TMCC1: variants seen among roughly 807,000 people sequenced by gnomAD.
TMCC1 encodes the protein transmembrane and coiled-coil domain family 1.
A neutral mutation model predicts 52.4 loss-of-function variants in TMCC1; 15 were observed. The observed-to-expected ratio is 0.29, with a 90% CI of 0.19 to 0.44. The LOEUF (loss-of-function observed/expected upper bound fraction) is 0.44. Ranked by LOEUF, TMCC1 falls within the 20% of genes least tolerant of loss-of-function variation. The probability of loss-of-function intolerance (pLI) is 1.00; values close to 1 mark genes in which losing one functional copy is unlikely to be tolerated. For synonymous variants in TMCC1, 279 were observed against 301.9 expected (o/e 0.92, Z 0.79); for missense variants, 503 against 806.0 (o/e 0.62, Z 4.55).
chr3:129,858,590 T>C (rs935727805), intron 2 of TMCC1, among the ~76,000 whole-genome samples: 19 of 152,294 alleles, frequency 1.2e-4, no homozygotes, highest in African/African-American at 4.6e-4. Flanking sequence ...CAGGCTGGTC[T>C]CAAGCTCGTG....
intron 4 of TMCC1, among the ~76,000 whole-genome samples, chr3:129,732,847 G>C (rs1176316901): frequency 2.6e-5 from 4 of 151,982 alleles, no homozygotes; most frequent in Admixed American, 1.3e-4. Context: ...GAAAGAAAAA[G>C]GAAAAAAGAA....
At position 129,777,191 on chromosome 3, in the gene TMCC1, C is replaced by G. The variant is rs148967864; in HGVS notation, c.576+50612G>C. On this transcript the variant is annotated intron_variant, in intron 4 of 6. Coordinates refer to ENST00000393238, the MANE Select transcript of TMCC1 (RefSeq NM_001017395.5). Reference sequence around the variant, plus strand: ...TATCACAAGTGCTGGGAGGATTAAACAAGATCTTGTTTATAAAGTGCTAAA... The same window carrying G: ...TATCACAAGTGCTGGGAGGATTAAAGAAGATCTTGTTTATAAAGTGCTAAA... 4.6e-5 allele frequency among the ~76,000 whole-genome samples: 7 copies of G among 152,218 alleles called. No individual in the cohort carries two copies. In the East Asian group the frequency reaches 1.3e-3, roughly 29 times the overall value.
At chr3:129,711,302 CAG>C (rs1366202724) in intron 4 of TMCC1, among the ~76,000 whole-genome samples, 2 of 152,188 alleles carry the variant, frequency 1.3e-5, no homozygotes, top group African/African-American at 4.8e-5. Context: ...TCAGTTTTGA[CAG>C]ATACAGTCTA....
intron 4 of TMCC1, among the ~76,000 whole-genome samples, chr3:129,688,940 A>G (rs989147386): frequency 1.3e-5 from 2 of 152,268 alleles, no homozygotes; most frequent in Non-Finnish European, 2.9e-5. Context: ...TCTAAATAAA[A>G]TAACACTGTT....
chr3:129,798,244 C>G (rs906456384), intron 4 of TMCC1, among the ~76,000 whole-genome samples: 5 of 152,050 alleles, frequency 3.3e-5, no homozygotes, highest in Non-Finnish European at 7.4e-5. Flanking sequence ...GATCCGCCCG[C>G]TCAGCCTCCC....
intron 4 of TMCC1, among the ~76,000 whole-genome samples, chr3:129,723,466 T>G (rs1251626145): frequency 1.3e-5 from 2 of 150,990 alleles, no homozygotes; most frequent in Non-Finnish European, 2.9e-5. Flanking sequence ...TTGTTATGCA[T>G]GCCTGGCATC....
chr3:129,773,303 CAT>C (rs886517889), intron 4 of TMCC1, among the ~76,000 whole-genome samples: 4 of 152,206 alleles, frequency 2.6e-5, no homozygotes, highest in Middle Eastern at 3.4e-3. Flanking sequence ...AATTCTTGCA[CAT>C]GTGTGGGTGT....
intron 4 of TMCC1, among the ~76,000 whole-genome samples, chr3:129,825,062 G>A (rs76379997): frequency 0.031 from 4,733 of 152,100 alleles, 221 homozygotes; most frequent in African/African-American, 0.11. Flanking sequence ...TTATCACCCC[G>A]GGGTTAATCA....
chr3:129,747,593 C>A (rs951093058), intron 4 of TMCC1, among the ~76,000 whole-genome samples: 1 of 152,116 alleles, frequency 6.6e-6, no homozygotes, highest in Non-Finnish European at 1.5e-5. Context: ...GCTCTCATCA[C>A]CCTCACTGTA....
At chr3:129,752,657 C>T (rs1324978019) in intron 4 of TMCC1, among the ~76,000 whole-genome samples, 2 of 150,010 alleles carry the variant, frequency 1.3e-5, no homozygotes, top group African/African-American at 4.9e-5. Flanking sequence ...CAGAGCAAGA[C>T]TGTCACACAC....
intron 4 of TMCC1, among the ~76,000 whole-genome samples, chr3:129,694,024 G>T (rs2047213549): frequency 6.6e-6 from 1 of 152,172 alleles, no homozygotes; most frequent in Non-Finnish European, 1.5e-5. Context: ...ATGCCTAAAA[G>T]AAAGTACTCC....
At chr3:129,882,815 G>A (rs901899906) in intron 1 of TMCC1, among the ~76,000 whole-genome samples, 54 of 152,220 alleles carry the variant, frequency 3.5e-4, no homozygotes, top group Admixed American at 3.1e-3. Flanking sequence ...GAGGTACCTA[G>A]GGTAGTCAAA....
chr3:129,693,509 T>TA (rs2047175847), intron 4 of TMCC1, among the ~76,000 whole-genome samples: 1 of 147,402 alleles, frequency 6.8e-6, no homozygotes, highest in South Asian at 2.2e-4. Flanking sequence ...TTGAATTTTT[T>TA]TTTTTTTTTT....
intron 4 of TMCC1, among the ~76,000 whole-genome samples, chr3:129,706,897 C>T (rs1185909106): frequency 6.6e-6 from 1 of 152,004 alleles, no homozygotes; most frequent in African/African-American, 2.4e-5. Flanking sequence ...CAGCCTCAAA[C>T]TCCTGGGCTC....
intron 4 of TMCC1, among the ~76,000 whole-genome samples, chr3:129,761,036 CCT>C (rs1252502197): frequency 6.6e-6 from 1 of 152,024 alleles, no homozygotes; most frequent in Non-Finnish European, 1.5e-5. Context: ...CTAAAAATCC[CCT>C]GTGCTGGCCG....
At chr3:129,710,812 C>G (rs2048615603) in intron 4 of TMCC1, among the ~76,000 whole-genome samples, 1 of 152,144 alleles carries the variant, frequency 6.6e-6, no homozygotes, top group African/African-American at 2.4e-5. Flanking sequence ...ATTTGTGGCC[C>G]AAGTCTTTCT....
chr3:129,853,143 T>C (rs949610654), intron 2 of TMCC1, among the ~76,000 whole-genome samples: 4 of 152,168 alleles, frequency 2.6e-5, no homozygotes, highest in Non-Finnish European at 5.9e-5. Flanking sequence ...ATTGTGCCAC[T>C]GCACTCTAGC....
intron 4 of TMCC1, among the ~76,000 whole-genome samples, chr3:129,690,437 A>G (rs557703157): frequency 1.1e-3 from 174 of 152,308 alleles, no homozygotes; most frequent in Non-Finnish European, 2.1e-3. Context: ...TGTAAGATTA[A>G]TGTTTGTTAC....
chr3:129,815,413 T>C (rs376711194), intron 4 of TMCC1, among the ~76,000 whole-genome samples: 6 of 151,972 alleles, frequency 3.9e-5, no homozygotes, highest in South Asian at 4.2e-4. Flanking sequence ...CACAGACCAA[T>C]GGAACAGAAT....
Sources: allele counts gnomAD v4.1 joint callset (sites outside exome capture counted in the v4.1 genomes callset), GRCh38; gene constraint gnomAD v4.1.1; transcripts MANE v1.5; gene names NCBI Gene and HGNC (gene_info 2026-07-23, HGNC 2026-07-21).